Variants in ZC3H4 observed in about 807,000 individuals in gnomAD.
The protein encoded by ZC3H4 is zinc finger CCCH-type containing 4.
ZC3H4 carries 13 observed loss-of-function variants against 108.3 expected under a neutral mutation model. The ratio of observed to expected loss-of-function variants is 0.12; its 90% CI spans 0.08 to 0.19. The LOEUF is 0.19. Ranked by LOEUF, ZC3H4 falls within the 10% of genes least tolerant of loss-of-function variation. ZC3H4 has a pLI of 1.00. For missense variants in ZC3H4, 1,734 were observed against 1,838.8 expected, an observed-to-expected ratio of 0.94 and a Z score of 1.04; for synonymous variants, 917 against 749.6, an observed-to-expected ratio of 1.22 and a Z score of -3.65.
chr19:47,097,167 G>A (rs2057835911), intron 2 of ZC3H4, among the ~76,000 whole-genome samples: 1 of 152,160 alleles, frequency 6.6e-6, no homozygotes, highest in African/African-American at 2.4e-5. Context: ...AGCCAAAGAG[G>A]GATTCTGCAC....
chr19:47,087,145 G>A (rs113304060), intron 5 of ZC3H4, among the ~76,000 whole-genome samples: 11,388 of 151,568 alleles, frequency 0.075, 567 homozygotes, highest in South Asian at 0.18. Context: ...GTGTGGTGGC[G>A]CACACCTGTA....
At chr19:47,112,242 G>T in intron 2 of ZC3H4, 182 bp downstream of exon 2, 1 of 1,165,110 alleles carries the variant, frequency 8.6e-7, no homozygotes, top group Non-Finnish European at 1.1e-6. Flanking sequence ...GGCCGGGAGA[G>T]AAAGCAAGCG....
At chr19:47,080,155 C>G (rs1472817507) in intron 11 of ZC3H4, among the ~76,000 whole-genome samples, 1 of 152,188 alleles carries the variant, frequency 6.6e-6, no homozygotes, top group Non-Finnish European at 1.5e-5. Flanking sequence ...TCCTTGTGAA[C>G]TAGAAGGCAG....
chr19:47,072,313 C>G lies in ZC3H4; in HGVS notation c.1802+39G>C, dbSNP rs2057344258. On this transcript the variant is annotated intron_variant, in intron 12 of 14. Coordinates refer to ENST00000253048, the MANE Select transcript of ZC3H4 (RefSeq NM_015168.2). The surrounding 1 kb of genome is among the most constrained non-coding windows in gnomAD (Gnocchi z 5.6). ...AAGAGGAGCCTGGCTGGGCCCAGGA[C>G]AGCGCCCACTGCCTGTCACGGGGGT... is the stretch of plus-strand genomic sequence containing the variant. 1.3e-6 allele frequency: 2 copies of G among 1,595,354 alleles called. No homozygotes were observed. Among genetic ancestry groups the G allele is most frequent in the Non-Finnish European group, 1.7e-6 (2 of 1,169,580 alleles).
Position 47,086,514 on chromosome 19 carries a change from T to C in ZC3H4, c.740A>G (p.Tyr247Cys). Residue 247 changes from tyrosine (Y) to cysteine (C), a missense_variant, in exon 6 of 15, where the codon TAC (tyrosine) becomes TGC (cysteine). Transcript: ENST00000253048. ...TCCTCCACGGCTTCCTCGGCCCCTGTAGCCCCGGCCCCGGCCTCGGCTGCC... is the reference window on the plus strand; with the variant it reads ...TCCTCCACGGCTTCCTCGGCCCCTGCAGCCCCGGCCCCGGCCTCGGCTGCC... ...GRGSRGRGRG[Y>C]RGRGSRGGSR... The C allele has an allele frequency of 1.9e-6, 3 of 1,600,456 alleles. No individual in the cohort carries two copies. The highest frequency in any genetic ancestry group is 1.7e-6 in the Non-Finnish European group (2 of 1,177,024).
At position 47,065,257 on chromosome 19, in the gene ZC3H4, G is replaced by C. The variant is rs2057178143; in HGVS notation, c.*1099C>G. ...CAAATCCCACAGAGCAACACACCTT[G>C]GAACACCTGCATCTGCTGGCTTGGG... On this transcript the variant is annotated 3_prime_UTR_variant, in exon 15 of 15. Coordinates refer to ENST00000253048, the MANE Select transcript of ZC3H4 (RefSeq NM_015168.2). 1 of 152,728 alleles carries C rather than the reference G, an allele frequency of 6.5e-6. No individual in the cohort carries two copies. Among genetic ancestry groups the C allele is most frequent in the Admixed American group, 6.5e-5 (1 of 15,278 alleles). The allele number at this position is 152,728 out of a possible 1,614,324, so 9.5% of individuals were successfully genotyped here.
intron 2 of ZC3H4, among the ~76,000 whole-genome samples, chr19:47,108,915 A>G (rs1285270907): frequency 6.6e-6 from 1 of 152,220 alleles, no homozygotes; most frequent in African/African-American, 2.4e-5. Flanking sequence ...TTTAAAAAAT[A>G]AAGGGGTTTT....
At chr19:47,075,244 C>T (rs559478903) in intron 11 of ZC3H4, among the ~76,000 whole-genome samples, 1 of 152,310 alleles carries the variant, frequency 6.6e-6, no homozygotes, top group South Asian at 2.1e-4. Flanking sequence ...GAACCAGCAG[C>T]ACAGGGGGAC....
At chr19:47,097,127 C>T (rs1444404344) in intron 2 of ZC3H4, among the ~76,000 whole-genome samples, 1 of 152,176 alleles carries the variant, frequency 6.6e-6, no homozygotes, top group Non-Finnish European at 1.5e-5. Context: ...TAGAGAAGTG[C>T]AGCATTCAAA....
chr19:47,067,753 G>A lies in ZC3H4; in HGVS notation c.2515C>T (p.Leu839=). ...SSRPPASVGE[L]SSSGLGDPRL... ...GGGTCCCCCAGCCCACTGCTGCTCA[G>A]CTCCCCAACTGAAGCCGGGGGTCGG... is the stretch of plus-strand genomic sequence containing the variant. Residue 839 remains leucine, a synonymous_variant, in exon 15 of 15, where the codon CTG becomes TTG. Transcript: ENST00000253048. The surrounding 1 kb of genome is among the most constrained non-coding windows in gnomAD (Gnocchi z 6.4). The A allele has an allele frequency of 2.5e-6, 4 of 1,609,210 alleles. No homozygotes were observed. Among genetic ancestry groups the A allele is most frequent in the East Asian group, 4.5e-5 (2 of 44,774 alleles).
chr19:47,097,022 A>AT, intron 2 of ZC3H4: 3 of 983,282 alleles, frequency 3.1e-6, no homozygotes, highest in Non-Finnish European at 2.4e-6. Context: ...GCTACTCTAC[A>AT]TCTAACACCT....
At chr19:47,070,047 T>C (rs543205568) in intron 13 of ZC3H4, among the ~76,000 whole-genome samples, 2 of 151,762 alleles carry the variant, frequency 1.3e-5, no homozygotes, top group East Asian at 1.9e-4. Context: ...GCAGCAGGCG[T>C]AGAGGGGAGG....
chr19:47,069,150 C>T lies in ZC3H4; in HGVS notation c.2340G>A (p.Glu780=), dbSNP rs2057277786. ...YLRIQQKQQE[E]EERARRLAES... ...CAGCCAGCCTCCTCGCTCTCTCCTC[C>T]TCCTCCTGCTGCTTCTGCTGGATCC... The change falls in exon 14 of 15, where the codon GAG becomes GAA. Residue 780 remains glutamate, a synonymous_variant. Coordinates refer to ENST00000253048, the MANE Select transcript of ZC3H4 (RefSeq NM_015168.2). The T allele has an allele frequency of 2.5e-6, 4 of 1,607,706 alleles. No individual in the cohort carries two copies. The highest frequency in any genetic ancestry group is 3.4e-6 in the Non-Finnish European group (4 of 1,179,960).
chr19:47,108,797 CA>C (rs570873454), intron 2 of ZC3H4, among the ~76,000 whole-genome samples: 1 of 152,038 alleles, frequency 6.6e-6, no homozygotes, highest in Non-Finnish European at 1.5e-5. Flanking sequence ...CAGAGCAGAG[CA>C]AAATTGTACC....
intron 10 of ZC3H4, among the ~76,000 whole-genome samples, chr19:47,081,879 G>A (rs572837791): frequency 1.2e-3 from 184 of 152,264 alleles, no homozygotes; most frequent in African/African-American, 3.8e-3. Context: ...CCAGACTAGG[G>A]AAGTTAAATG....
intron 2 of ZC3H4, among the ~76,000 whole-genome samples, chr19:47,110,223 G>A (rs913326313): frequency 2.6e-5 from 4 of 152,008 alleles, no homozygotes; most frequent in Admixed American, 2.6e-4. Context: ...GAGTGGGGGG[G>A]AGGGGAACCA....
At position 47,072,473 on chromosome 19, in the gene ZC3H4, C is replaced by A. The variant is rs753539767; in HGVS notation, c.1681G>T (p.Val561Leu). Residue 561 changes from valine to leucine, a missense_variant, in exon 12 of 15, where the codon GTG becomes TTG. Around this residue, in one of 9 missense-constraint regions of ZC3H4, gnomAD observed 75 missense variants for 85.8 expected, o/e 0.87. Coordinates refer to ENST00000253048, the MANE Select transcript of ZC3H4 (RefSeq NM_015168.2). This position sits in a 1 kb window ranked among gnomAD's most constrained non-coding sequence, Gnocchi z 5.6. ...PPGPPQMPMP[V>L]HEPLSPQQLQ... ...TGCTGCGGGGACAGTGGCTCATGCA[C>A]CGGCATGGGCATCTGAGGGGGCCCG... 1 of 1,493,914 alleles carries A rather than the reference C, an allele frequency of 6.7e-7. No individual in the cohort carries two copies. Among genetic ancestry groups the A allele is most frequent in the Non-Finnish European group, 9.0e-7 (1 of 1,106,786 alleles). The allele number at this position is 1,493,914 out of a possible 1,614,324, so 92.5% of individuals were successfully genotyped here.
chr19:47,077,811 C>G (rs954166708), intron 11 of ZC3H4, among the ~76,000 whole-genome samples: 4 of 150,110 alleles, frequency 2.7e-5, no homozygotes, highest in Non-Finnish European at 5.9e-5. Context: ...GAGCCAAGAT[C>G]GCGCCACTGT....
chr19:47,112,549 T>TGGC lies in ZC3H4; in HGVS notation c.33_35dup (p.Pro12dup), dbSNP rs1247889269. The TGGC allele has an allele frequency of 3.0e-6, 3 of 1,010,380 alleles. No homozygotes were observed. The highest frequency in any genetic ancestry group is 3.8e-6 in the Non-Finnish European group (3 of 788,044). 62.6% of individuals were successfully genotyped at this position (1,010,380 alleles called of 1,614,324 possible). A position where few individuals can be genotyped will look rare whatever the true frequency, so the allele number is the denominator to read the frequency against. ...GCGATGGCGGCGGCGGCGACTCTGATGGCGGCGGCGGGGGGGTCCCGGGCG... is the reference window on the plus strand; with the variant it reads ...GCGATGGCGGCGGCGGCGACTCTGATGGCGGCGGCGGCGGGGGGGTCCCGGGCG... On this transcript the variant is annotated inframe_insertion, in exon 2 of 15. Coordinates refer to ENST00000253048, the MANE Select transcript of ZC3H4 (RefSeq NM_015168.2).
Sources: gnomAD v4.1 joint callset for allele counts (sites outside exome capture counted in the v4.1 genomes callset) on GRCh38, gnomAD v4.1.1 for gene constraint, gnomAD v4.1.1 regional missense constraint, Gnocchi (gnomAD v3.1) non-coding constraint, MANE v1.5 for transcripts, NCBI Gene and HGNC (gene_info 2026-07-23, HGNC 2026-07-21) for gene names.